CDYL: variants seen among roughly 807,000 people sequenced by gnomAD.
The protein encoded by CDYL is chromodomain Y-like protein.
Under a neutral mutation model 47.3 loss-of-function variants are expected in CDYL, and 8 were observed. The observed-to-expected ratio is 0.17, with a 90% CI of 0.10 to 0.31. The LOEUF is 0.31. Ranked by LOEUF, CDYL falls within the 10% of genes least tolerant of loss-of-function variation. CDYL has a pLI of 1.00. For missense variants in CDYL, 471 were observed against 701.4 expected (o/e 0.67, Z 3.71); for synonymous variants, 266 against 265.0 (o/e 1.00, Z -0.04).
At chr6:4,912,420 A>T (rs1581258680) in intron 2 of CDYL, among the ~76,000 whole-genome samples, 2 of 152,306 alleles carry the variant, frequency 1.3e-5, no homozygotes, top group East Asian at 1.9e-4. Context: ...TTGGGAGAGG[A>T]GTAGCACCCT....
intron 1 of CDYL, among the ~76,000 whole-genome samples, chr6:4,867,913 A>G (rs1196529220): frequency 6.6e-6 from 1 of 151,526 alleles, no homozygotes; most frequent in Non-Finnish European, 1.5e-5. Context: ...TTCAGAGTAT[A>G]TCGTGTTTCC....
At chr6:4,890,003 G>A in intron 1 of CDYL, 1 of 985,472 alleles carries the variant, frequency 1.0e-6, no homozygotes. Flanking sequence ...GTTAAGGAGG[G>A]AGGGGAAACA....
intron 2 of CDYL, among the ~76,000 whole-genome samples, chr6:4,718,172 CA>C (rs1757305146): frequency 6.6e-6 from 1 of 152,028 alleles, no homozygotes; most frequent in South Asian, 2.1e-4. Flanking sequence ...AAGACATTTG[CA>C]ATAACAGATT....
chr6:4,789,559 T>C (rs1482952945), intron 1 of CDYL, among the ~76,000 whole-genome samples: 2 of 152,182 alleles, frequency 1.3e-5, no homozygotes, highest in Non-Finnish European at 2.9e-5. Flanking sequence ...CTTAAATGGC[T>C]GCTACCCAGT....
chr6:4,944,007 A>T lies in CDYL; in HGVS notation c.1332+251A>T, dbSNP rs910628087. On this transcript the variant is annotated intron_variant, in intron 5 of 6. Transcript: ENST00000397588. ...GGATATCTACTGTTAGTAAATACCCAATCAGTAACCCAACCAACAATTTGC... is the reference window on the plus strand; with the variant it reads ...GGATATCTACTGTTAGTAAATACCCTATCAGTAACCCAACCAACAATTTGC... 2.6e-5 allele frequency among the ~76,000 whole-genome samples: 4 copies of T among 152,202 alleles called. 1 individual carries two copies. Among genetic ancestry groups the T allele is most frequent in the Non-Finnish European group, 5.9e-5 (4 of 68,040 alleles).
chr6:4,860,347 C>T (rs553505059), intron 1 of CDYL, among the ~76,000 whole-genome samples: 5 of 151,812 alleles, frequency 3.3e-5, no homozygotes, highest in South Asian at 2.1e-4. Context: ...CTCACTCCCC[C>T]CTTCTTTCCC....
At chr6:4,864,296 G>A (rs911400796) in intron 1 of CDYL, among the ~76,000 whole-genome samples, 1 of 152,156 alleles carries the variant, frequency 6.6e-6, no homozygotes, top group Admixed American at 6.5e-5. Context: ...AAGATGATTG[G>A]TGAGCAAGGA....
At chr6:4,889,754 A>G (rs950222304) in intron 1 of CDYL, among the ~76,000 whole-genome samples, 1 of 152,148 alleles carries the variant, frequency 6.6e-6, no homozygotes, top group Non-Finnish European at 1.5e-5. Flanking sequence ...ACTCTTTGGC[A>G]GTTTATGTAA....
At chr6:4,722,124 A>T (rs966456131) in intron 2 of CDYL, among the ~76,000 whole-genome samples, 2 of 152,190 alleles carry the variant, frequency 1.3e-5, no homozygotes, top group Non-Finnish European at 2.9e-5. Flanking sequence ...AAGTGTTGGG[A>T]TTACAGGCAT....
At chr6:4,931,796 G>A (rs547523200) in intron 2 of CDYL, among the ~76,000 whole-genome samples, 15 of 152,302 alleles carry the variant, frequency 9.8e-5, no homozygotes, top group Non-Finnish European at 1.8e-4. Context: ...TCACTGGCAC[G>A]AGGAGCCAAC....
chr6:4,870,952 A>T (rs1761456132), intron 1 of CDYL, among the ~76,000 whole-genome samples: 1 of 152,236 alleles, frequency 6.6e-6, no homozygotes, highest in Non-Finnish European at 1.5e-5. Context: ...GTTGATGTGA[A>T]GTCCTTTTCC....
At chr6:4,944,467 CAGCTG>C (rs1758453587) in intron 5 of CDYL, among the ~76,000 whole-genome samples, 2 of 152,226 alleles carry the variant, frequency 1.3e-5, no homozygotes, top group East Asian at 3.8e-4. Flanking sequence ...TGGCTCCCTA[CAGCTG>C]AGGGCATCCC....
chr6:4,767,738 G>A (rs9502235), intron 3 of CDYL, among the ~76,000 whole-genome samples: 26,687 of 152,040 alleles, frequency 0.18, 3,244 homozygotes, highest in African/African-American at 0.34. Context: ...TCAAGACCTG[G>A]TATCCACTTT....
chr6:4,895,081 G>GCA (rs139168430), intron 2 of CDYL, among the ~76,000 whole-genome samples: 103,078 of 140,420 alleles, frequency 0.73, 41,119 homozygotes, highest in Middle Eastern at 0.88. Context: ...GTATCTATAT[G>GCA]CACATATATG....
intron 1 of CDYL, among the ~76,000 whole-genome samples, chr6:4,866,026 G>A (rs1196432985): frequency 1.3e-5 from 2 of 152,106 alleles, no homozygotes; most frequent in Non-Finnish European, 2.9e-5. Context: ...AAAGCAGTTA[G>A]TATCAACAAA....
intron 1 of CDYL, among the ~76,000 whole-genome samples, chr6:4,790,014 A>G (rs1025460119): frequency 6.6e-6 from 1 of 152,152 alleles, no homozygotes; most frequent in African/African-American, 2.4e-5. Context: ...CTCCTGCTGT[A>G]CATCATTGAG....
chr6:4,740,285 G>A (rs1227352071), intron 3 of CDYL, among the ~76,000 whole-genome samples: 1 of 152,164 alleles, frequency 6.6e-6, no homozygotes, highest in East Asian at 1.9e-4. Context: ...TGTGAGCCTT[G>A]AGCCTCATGT....
At chr6:4,807,050 C>T (rs556266776) in intron 1 of CDYL, among the ~76,000 whole-genome samples, 8 of 152,158 alleles carry the variant, frequency 5.3e-5, no homozygotes, top group Non-Finnish European at 7.3e-5. Context: ...GTGCGTGCAC[C>T]GGTGTCTGTG....
chr6:4,894,927 G>GTATGTGTGTATATGTGTGTA (rs70974144), intron 2 of CDYL, among the ~76,000 whole-genome samples: 3 of 146,540 alleles, frequency 2.0e-5, no homozygotes, highest in South Asian at 2.1e-4. Context: ...ATACACATAT[G>GTATGTGTGTATATGTGTGTA]TATGTGTGTA....
Sources: allele counts gnomAD v4.1 joint callset (sites outside exome capture counted in the v4.1 genomes callset), GRCh38; gene constraint gnomAD v4.1.1; transcripts MANE v1.5; gene names NCBI Gene and HGNC (gene_info 2026-07-23, HGNC 2026-07-21).